The following PLB1 variants were observed in gnomAD, a reference collection of about 807,000 sequenced individuals.
PLB1 encodes the protein phospholipase B1.
A neutral mutation model predicts 227.4 loss-of-function variants in PLB1; 242 were observed. The observed-to-expected ratio is 1.06, with a 90% CI of 0.96 to 1.18. The LOEUF (loss-of-function observed/expected upper bound fraction) is 1.18, where lower values mean the gene tolerates loss of function less well. PLB1 is among the 50% of genes most tolerant of loss of function. The probability of loss-of-function intolerance (pLI) is 0.00; values close to 1 mark genes in which losing one functional copy is unlikely to be tolerated. For missense variants in PLB1, 1,858 were observed against 1,816.3 expected (o/e 1.02, Z -0.42); for synonymous variants, 757 against 682.2 (o/e 1.11, Z -1.71).
chr2:28,576,200 C>A (rs972951555), intron 21 of PLB1, among the ~76,000 whole-genome samples: 9 of 152,172 alleles, frequency 5.9e-5, no homozygotes, highest in Non-Finnish European at 1.3e-4. Context: ...TCCCGTATTA[C>A]AATCGAAGAA....
In PLB1 at chr2:28,585,792, G is replaced by A; in HGVS notation, c.1765G>A (p.Asp589Asn). The change falls in exon 26 of 58, where the codon GAT (aspartate) becomes AAT (asparagine). Residue 589 changes from aspartate (D) to asparagine (N), a missense_variant. Transcript: ENST00000327757. ...SLCPCVLKFD[D>N]NSTELATLIE... is the part of the protein sequence containing the mutation. ...GTGTCCCTGTGTCCTGAAGTTTGATGATAACTCAACAGAACTTGCTACCCT... is the reference window on the plus strand; with the variant it reads ...GTGTCCCTGTGTCCTGAAGTTTGATAATAACTCAACAGAACTTGCTACCCT... 1.2e-6 allele frequency: 2 copies of A among 1,612,608 alleles called. No homozygotes were observed. The highest frequency in any genetic ancestry group is 1.7e-6 in the Non-Finnish European group (2 of 1,178,602).
chr2:28,509,721 C>T (rs1668015290), intron 1 of PLB1, among the ~76,000 whole-genome samples: 4 of 152,140 alleles, frequency 2.6e-5, no homozygotes, highest in Non-Finnish European at 5.9e-5. Flanking sequence ...GAGTTCAAAG[C>T]CCTTCATATA....
At chr2:28,506,428 A>C (rs1667643595) in intron 1 of PLB1, among the ~76,000 whole-genome samples, 1 of 152,156 alleles carries the variant, frequency 6.6e-6, no homozygotes. Context: ...GAACAGGAGC[A>C]GGCTGGCTGA....
rs563210359 is a variant in PLB1 at position 28,566,689 on chromosome 2, C to T, written c.1281-107C>T. 1.8e-4 allele frequency: 229 copies of T among 1,258,934 alleles called. 2 individuals are homozygous for T. Among genetic ancestry groups the T allele is most frequent in the South Asian group, 1.2e-3 (99 of 83,740 alleles). The allele number at this position is 1,258,934 out of a possible 1,614,324, so 78.0% of individuals were successfully genotyped here. A position where few individuals can be genotyped will look rare whatever the true frequency, so the allele number is the denominator to read the frequency against. On this transcript the variant is annotated intron_variant, in intron 19 of 57. Transcript: ENST00000327757. Reference sequence around the variant, plus strand: ...TGATGGGGAAAGTGCAAGCTCCAGGCCCCCGGGCTGTTTCTCGGGAGACGG... The same window carrying T: ...TGATGGGGAAAGTGCAAGCTCCAGGTCCCCGGGCTGTTTCTCGGGAGACGG...
chr2:28,578,645 G>C (rs1471284120), intron 22 of PLB1, among the ~76,000 whole-genome samples: 1 of 152,082 alleles, frequency 6.6e-6, no homozygotes, highest in African/African-American at 2.4e-5. Flanking sequence ...TAGAGGAGAT[G>C]TTTGAGCCGG....
Position 28,620,297 on chromosome 2 carries a change from T to A in PLB1, c.3348T>A (p.Ser1116Arg). ...TGGGAGCTCGACCAAACAACTCCAG[T>A]GACCTACCCACATCTTGGAGGGGAC... ...TAVGARPNNS[S>R]DLPTSWRGLS... Residue 1116 changes from serine to arginine, a missense_variant, in exon 47 of 58, where the codon AGT becomes AGA. Ser to Arg is a moderately radical substitution (Grantham distance 110). Coordinates refer to ENST00000327757, the MANE Select transcript of PLB1 (RefSeq NM_153021.5). 1 of 1,605,802 alleles carries A rather than the reference T, an allele frequency of 6.2e-7. No individual in the cohort carries two copies. The highest frequency in any genetic ancestry group is 8.5e-7 in the Non-Finnish European group (1 of 1,175,624).
rs1431905722 is a variant in PLB1, at chr2:28,539,097, A to G, written c.619-2A>G. On this transcript the variant is annotated splice_acceptor_variant, in intron 10 of 57. Transcript: ENST00000327757. LOFTEE classifies it high-confidence loss of function. The stretch of plus-strand genomic sequence containing the variant: ...CACCTCCCTCTCTGTGTGTCCTCCT[A>G]GGTCCCCAGAGCATTTGTAAACCTG... 1 of 1,611,404 alleles carries G rather than the reference A, an allele frequency of 6.2e-7. No homozygotes were observed. Among genetic ancestry groups the G allele is most frequent in the Non-Finnish European group, 8.5e-7 (1 of 1,177,472 alleles).
intron 35 of PLB1, among the ~76,000 whole-genome samples, chr2:28,599,244 G>C (rs1683480057): frequency 6.6e-6 from 1 of 152,234 alleles, no homozygotes; most frequent in African/African-American, 2.4e-5. Context: ...GAGAAGCCCA[G>C]AGGTACCCAA....
rs557639841 is a variant in PLB1, at chr2:28,591,786, C to T, written c.2188+26C>T. On this transcript the variant is annotated intron_variant, in intron 31 of 57. Coordinates refer to ENST00000327757, the MANE Select transcript of PLB1 (RefSeq NM_153021.5). ...GTAAGCCCCCTATGGCACAGCAGGA[C>T]CCAGGGCCCCTCCACAGGGGCTGCT... 19 of 1,610,624 alleles carry T rather than the reference C, an allele frequency of 1.2e-5. 1 individual carries two copies. The highest frequency in any genetic ancestry group is 1.5e-5 in the Non-Finnish European group (18 of 1,177,794).
intron 4 of PLB1, among the ~76,000 whole-genome samples, chr2:28,520,306 A>C (rs1669351557): frequency 6.6e-6 from 1 of 152,018 alleles, no homozygotes; most frequent in Non-Finnish European, 1.5e-5. Context: ...TTTCCCATTA[A>C]TAAATTAAAT....
In PLB1 at chr2:28,533,149, C is replaced by G. The variant is rs536731757; in HGVS notation, c.555+955C>G. On this transcript the variant is annotated intron_variant, in intron 9 of 57. Transcript: ENST00000327757. ...CTGTGCCCCTCTCCTACAGTAGATA[C>G]TCTTGCCTTCCTTCAAGTGCGCCAC... is the stretch of plus-strand genomic sequence containing the variant. Among the ~76,000 whole-genome samples, 3 of 152,224 alleles carry G rather than the reference C, an allele frequency of 2.0e-5. No homozygotes were observed. The South Asian group carries it at 6.2e-4, about 32-fold the overall frequency.
At chr2:28,597,668 C>T (rs966450266) in intron 33 of PLB1, among the ~76,000 whole-genome samples, 14 of 152,204 alleles carry the variant, frequency 9.2e-5, no homozygotes, top group African/African-American at 1.9e-4. Context: ...GTAAAATGGA[C>T]ATAGTCACAT....
At chr2:28,614,671 C>T (rs1187147456) in intron 44 of PLB1, among the ~76,000 whole-genome samples, 1 of 152,180 alleles carries the variant, frequency 6.6e-6, no homozygotes, top group East Asian at 1.9e-4. Context: ...CCATGACTGG[C>T]AGTCAGGCCT....
rs749828430 is a variant in PLB1, at chr2:28,614,076, C to A, written c.3175C>A (p.Pro1059Thr). The A allele has an allele frequency of 1.2e-6, 2 of 1,612,950 alleles. No homozygotes were observed. Among genetic ancestry groups the A allele is most frequent in the African/African-American group, 1.3e-5 (1 of 74,812 alleles). ...RTPRNSNYTY[P>T]IKPAIENWGS... ...CCCTCGGAATAGTAACTACACGTAC[C>A]CCATCAAGCCAGCCATTGAGGTAAC... Residue 1059 changes from proline to threonine, a missense_variant, in exon 44 of 58, where the codon CCC (proline) becomes ACC (threonine). Pro to Thr is a conservative substitution (Grantham distance 38). Coordinates refer to ENST00000327757, the MANE Select transcript of PLB1 (RefSeq NM_153021.5).
chr2:28,611,787 T>C (rs984072541), intron 43 of PLB1, among the ~76,000 whole-genome samples: 3 of 152,154 alleles, frequency 2.0e-5, no homozygotes, highest in Admixed American at 2.0e-4. Flanking sequence ...TCCTGTCTTA[T>C]GCTGTTGTAG....
rs943033651 is a variant in PLB1 at position 28,632,852 on chromosome 2, A to G, written c.4003-92A>G. ...GCAGGAAAGTTGAAAGAATGAAAGG[A>G]GACATGCCCAGGGCACCTGCTGGGA... On this transcript the variant is annotated intron_variant, in intron 55 of 57. Transcript: ENST00000327757. 49 of 817,204 alleles carry G rather than the reference A, an allele frequency of 6.0e-5. No homozygotes were observed. In the African/African-American group the frequency reaches 8.4e-4, roughly 14 times the overall value. 50.6% of individuals were successfully genotyped at this position (817,204 alleles called of 1,614,324 possible).
rs1180230711 is a variant in PLB1 at position 28,518,485 on chromosome 2, TCCCATGCAA to T, written c.142_150del (p.Cys48_Pro50del). The T allele has an allele frequency of 1.9e-6, 3 of 1,612,872 alleles. No homozygotes were observed. The highest frequency in any genetic ancestry group is 2.5e-6 in the Non-Finnish European group (3 of 1,178,852). ...TTGCAGACCCTGAAGAATTCTCCAT[TCCCATGCAA>T]CCCAAATAAATTAGGAGTGAATATG... On this transcript the variant is annotated inframe_deletion, in exon 3 of 58. Coordinates refer to ENST00000327757, the MANE Select transcript of PLB1 (RefSeq NM_153021.5).
intron 25 of PLB1, chr2:28,585,506 A>C (rs1680755498): frequency 2.5e-6 from 1 of 395,832 alleles, no homozygotes; most frequent in Admixed American, 3.6e-5. Flanking sequence ...TGAACTCCTG[A>C]CCTCAAGTGA....
chr2:28,545,527 G>T (rs923360359), intron 14 of PLB1, among the ~76,000 whole-genome samples: 3 of 152,142 alleles, frequency 2.0e-5, no homozygotes, highest in Admixed American at 2.0e-4. Context: ...TCTGATTTCG[G>T]TCCCACTTTC....
Sources: allele counts gnomAD v4.1 joint callset (sites outside exome capture counted in the v4.1 genomes callset), GRCh38; gene constraint gnomAD v4.1.1; transcripts MANE v1.5; gene names NCBI Gene and HGNC (gene_info 2026-07-23, HGNC 2026-07-21).